The following GLIS1 variants were observed in gnomAD, a reference collection of about 807,000 sequenced individuals.
GLIS1 encodes the protein GLIS family zinc finger 1, also known as zinc finger protein GLIS1.
A neutral mutation model predicts 63.8 loss-of-function variants in GLIS1; 24 were observed. That is an observed-to-expected ratio of 0.38 (90% confidence interval 0.27 to 0.53). The LOEUF is 0.53. Among genes scored for constraint, GLIS1 ranks in the 20% least tolerant of loss-of-function variants. The pLI is 0.85. For missense variants in GLIS1, 1,036 were observed against 1,074.1 expected (o/e 0.96, Z 0.50); for synonymous variants, 450 against 482.5 (o/e 0.93, Z 0.88).
At position 53,509,868 on chromosome 1, in the gene GLIS1, CG is replaced by C; in HGVS notation, c.2042del (p.Pro681ArgfsTer144). The C allele has an allele frequency of 7.7e-7, 1 of 1,297,412 alleles. No individual in the cohort carries two copies. Among genetic ancestry groups the C allele is most frequent in the Non-Finnish European group, 9.9e-7 (1 of 1,011,490 alleles). 80.4% of individuals were successfully genotyped at this position (1,297,412 alleles called of 1,614,324 possible). A position where few individuals can be genotyped will look rare whatever the true frequency, so the allele number is the denominator to read the frequency against. On this transcript the variant is annotated frameshift_variant, in exon 9 of 11. Coordinates refer to ENST00000628545, the MANE Select transcript of GLIS1 (RefSeq NM_001367484.1). LOFTEE classifies it high-confidence loss of function. ...GCTTACCTTGTGGGCTGGGCAGAGG[CG>C]GGGGTGGAGGGCTCTGGAAGGGTGG... ...SYPPFQSPPP[P>X]PLPSPQGYQG...
intron 2 of GLIS1, among the ~76,000 whole-genome samples, chr1:53,721,981 T>C (rs900156253): frequency 4.6e-5 from 7 of 152,172 alleles, no homozygotes; most frequent in African/African-American, 1.7e-4. Flanking sequence ...ATAAGTAAAA[T>C]ATTCAGATGC....
At position 53,681,241 on chromosome 1, in the gene GLIS1, G is replaced by A. The variant is rs574121433; in HGVS notation, c.259+56565C>T. ...GCCCAGCTGTCAGTACCTAGGCTGG[G>A]TTATGAGTAGATGGCATGCTCTTCT... On this transcript the variant is annotated intron_variant, in intron 2 of 10. Transcript: ENST00000628545. 9.2e-5 allele frequency among the ~76,000 whole-genome samples: 14 copies of A among 152,382 alleles called. 1 individual carries two copies. In the South Asian group the frequency reaches 1.4e-3, roughly 16 times the overall value.
chr1:53,583,800 C>T (rs1326670999), intron 4 of GLIS1, among the ~76,000 whole-genome samples: 1 of 152,206 alleles, frequency 6.6e-6, no homozygotes, highest in Non-Finnish European at 1.5e-5. Context: ...CCAGTCCTGG[C>T]AGTGGAAGAA....
intron 4 of GLIS1, among the ~76,000 whole-genome samples, chr1:53,559,524 G>A (rs1271638264): frequency 6.6e-6 from 1 of 152,188 alleles, no homozygotes; most frequent in Admixed American, 6.5e-5. Flanking sequence ...AGGCTGGGAT[G>A]ATGATTGGCG....
At chr1:53,517,742 C>T (rs1203267114) in intron 7 of GLIS1, among the ~76,000 whole-genome samples, 1 of 152,154 alleles carries the variant, frequency 6.6e-6, no homozygotes, top group East Asian at 1.9e-4. Context: ...GCAGCTCGTC[C>T]CTCACCCTCT....
chr1:53,644,546 G>C (rs1645821707), intron 2 of GLIS1, among the ~76,000 whole-genome samples: 2 of 152,122 alleles, frequency 1.3e-5, no homozygotes, highest in South Asian at 2.1e-4. Context: ...TATTAGAATG[G>C]GAAGAGTTCT....
At chr1:53,690,381 C>CAACTGAAGCACA (rs1646389439) in intron 2 of GLIS1, among the ~76,000 whole-genome samples, 3 of 152,218 alleles carry the variant, frequency 2.0e-5, no homozygotes, top group Admixed American at 6.5e-5. Flanking sequence ...ACAGCTGGGG[C>CAACTGAAGCACA]GGCTTCCACT....
intron 2 of GLIS1, among the ~76,000 whole-genome samples, chr1:53,615,204 C>T (rs1461228707): frequency 6.6e-6 from 1 of 152,092 alleles, no homozygotes; most frequent in Non-Finnish European, 1.5e-5. Flanking sequence ...AGATGCTGGC[C>T]CAGGGAACTG....
intron 2 of GLIS1, among the ~76,000 whole-genome samples, chr1:53,631,440 T>G (rs1169557272): frequency 6.6e-6 from 1 of 152,186 alleles, no homozygotes; most frequent in African/African-American, 2.4e-5. Flanking sequence ...ATAATAATCA[T>G]AAATATCACA....
chr1:53,528,189 C>T (rs72893348), intron 5 of GLIS1, among the ~76,000 whole-genome samples: 22,036 of 152,152 alleles, frequency 0.14, 3,342 homozygotes, highest in East Asian at 0.5. Flanking sequence ...GATCTGCTAG[C>T]ACCCACTCCT....
chr1:53,626,091 G>C (rs567229844), intron 2 of GLIS1, among the ~76,000 whole-genome samples: 1 of 152,320 alleles, frequency 6.6e-6, no homozygotes, highest in Non-Finnish European at 1.5e-5. Context: ...GGCCCGGAGT[G>C]AGGGCCGCTC....
At chr1:53,659,546 C>T (rs1646003608) in intron 2 of GLIS1, among the ~76,000 whole-genome samples, 1 of 152,186 alleles carries the variant, frequency 6.6e-6, no homozygotes, top group Admixed American at 6.5e-5. Flanking sequence ...AAGACTGGCA[C>T]CCAGGTCTCC....
intron 6 of GLIS1, among the ~76,000 whole-genome samples, chr1:53,523,356 T>G (rs891759113): frequency 6.6e-6 from 1 of 152,028 alleles, no homozygotes; most frequent in African/African-American, 2.4e-5. Context: ...TCTTTCCCAC[T>G]GAGGCCCCTT....
intron 2 of GLIS1, among the ~76,000 whole-genome samples, chr1:53,709,417 C>CATATATATAT (rs879357045): frequency 9.0e-5 from 11 of 122,766 alleles, no homozygotes; most frequent in African/African-American, 2.9e-4. Flanking sequence ...TATATACACA[C>CATATATATAT]ACACACACAC....
chr1:53,624,055 A>G (rs888403263), intron 2 of GLIS1, among the ~76,000 whole-genome samples: 8 of 152,242 alleles, frequency 5.3e-5, no homozygotes, highest in Non-Finnish European at 8.8e-5. Flanking sequence ...TCCAAAATAC[A>G]TATGTGAAAA....
At chr1:53,692,297 G>A (rs963682978) in intron 2 of GLIS1, among the ~76,000 whole-genome samples, 2 of 152,136 alleles carry the variant, frequency 1.3e-5, no homozygotes, top group Non-Finnish European at 2.9e-5. Context: ...TCATATCCTT[G>A]CTCAAAATCC....
At chr1:53,563,268 C>A (rs1482913610) in intron 4 of GLIS1, among the ~76,000 whole-genome samples, 2 of 152,218 alleles carry the variant, frequency 1.3e-5, no homozygotes, top group African/African-American at 4.8e-5. Context: ...AACGCTGGAC[C>A]TTCCAAGGAT....
At chr1:53,580,225 C>A (rs1645071865) in intron 4 of GLIS1, among the ~76,000 whole-genome samples, 2 of 152,312 alleles carry the variant, frequency 1.3e-5, no homozygotes, top group South Asian at 4.1e-4. Context: ...CGCAGAGCCC[C>A]TCCATCCTGA....
chr1:53,563,229 A>C (rs963161123), intron 4 of GLIS1, among the ~76,000 whole-genome samples: 1 of 152,258 alleles, frequency 6.6e-6, no homozygotes, highest in Admixed American at 6.5e-5. Context: ...AGGCAAGAAG[A>C]GGGAGGCTCT....
Sources: gnomAD v4.1 joint callset for allele counts (sites outside exome capture counted in the v4.1 genomes callset) on GRCh38, gnomAD v4.1.1 for gene constraint, MANE v1.5 for transcripts, NCBI Gene and HGNC (gene_info 2026-07-23, HGNC 2026-07-21) for gene names.